The following PCDHA6 variants were observed in gnomAD, a reference collection of about 807,000 sequenced individuals.
PCDHA6 encodes the protein protocadherin alpha 6.
Under a neutral mutation model 60.3 loss-of-function variants are expected in PCDHA6, and 55 were observed. That is an observed-to-expected ratio of 0.91 (90% CI 0.73 to 1.14). PCDHA6 has a LOEUF of 1.14. PCDHA6 is among the 50% of genes most tolerant of loss of function. The probability of loss-of-function intolerance (pLI) is 0.00; values close to 1 mark genes in which losing one functional copy is unlikely to be tolerated. For missense variants in PCDHA6, 1,327 were observed against 1,256.5 expected (o/e 1.06, Z -0.85); for synonymous variants, 652 against 557.9 (o/e 1.17, Z -2.38).
intron 1 of PCDHA6, among the ~76,000 whole-genome samples, chr5:140,845,905 T>C (rs1299056120): frequency 6.7e-6 from 1 of 149,748 alleles, no homozygotes; most frequent in Non-Finnish European, 1.5e-5. Context: ...TGGCCTTCCA[T>C]ATTAATCTTA....
intron 1 of PCDHA6, chr5:140,869,814 C>A: frequency 2.5e-6 from 4 of 1,612,258 alleles, no homozygotes; most frequent in Non-Finnish European, 3.4e-6. Flanking sequence ...ATGTCAACGA[C>A]AATGATCCAG....
intron 1 of PCDHA6, among the ~76,000 whole-genome samples, chr5:140,935,422 A>G (rs2090365671): frequency 6.6e-6 from 1 of 152,228 alleles, no homozygotes; most frequent in South Asian, 2.1e-4. Context: ...TTAGAAAACA[A>G]TTTCAGCACT....
chr5:140,892,477 A>G (rs2063535340), intron 1 of PCDHA6, among the ~76,000 whole-genome samples: 1 of 152,220 alleles, frequency 6.6e-6, no homozygotes, highest in South Asian at 2.1e-4. Context: ...TCAGTTTCCT[A>G]GCCAAACATG....
intron 1 of PCDHA6, chr5:140,841,522 G>A (rs2150317350): frequency 6.2e-7 from 1 of 1,613,598 alleles, no homozygotes; most frequent in South Asian, 1.1e-5. Flanking sequence ...TCCGGGTGGC[G>A]TCCAAAAGAC....
chr5:140,830,424 C>G lies in PCDHA6; in HGVS notation c.2333C>G (p.Pro778Arg). ...ATGGCCTTTAGCCCCAGCCTTTCAC[C>G]TTGTCCTATTATGATGGGTAAGGCG... ...DLMAFSPSLSPCPIMMGKAEN... is the reference protein window; with the variant it reads ...DLMAFSPSLSRCPIMMGKAEN... Residue 778 changes from proline (P) to arginine (R), a missense_variant, in exon 1 of 4, where the codon CCT becomes CGT. Transcript: ENST00000529310. 6 of 1,613,930 alleles carry G rather than the reference C, an allele frequency of 3.7e-6. No homozygotes were observed. The highest frequency in any genetic ancestry group is 5.1e-6 in the Non-Finnish European group (6 of 1,179,802).
At chr5:140,850,015 A>G (rs2041294167) in intron 1 of PCDHA6, 1 of 1,596,724 alleles carries the variant, frequency 6.3e-7, no homozygotes, top group Non-Finnish European at 8.6e-7. Flanking sequence ...CTGTCGAGCT[A>G]CGTGTCAGTG....
intron 1 of PCDHA6, among the ~76,000 whole-genome samples, chr5:140,963,912 A>C (rs2095797972): frequency 6.6e-6 from 1 of 152,246 alleles, no homozygotes. Flanking sequence ...AGTGAAGCTT[A>C]GGCTAAGTAA....
At chr5:140,888,958 A>G (rs1174377099) in intron 1 of PCDHA6, among the ~76,000 whole-genome samples, 1 of 152,010 alleles carries the variant, frequency 6.6e-6, no homozygotes, top group African/African-American at 2.4e-5. Flanking sequence ...TTTCTTTGGC[A>G]ATGTTAATGT....
intron 1 of PCDHA6, among the ~76,000 whole-genome samples, chr5:140,938,233 A>AC (rs1329361250): frequency 6.6e-6 from 1 of 152,210 alleles, no homozygotes; most frequent in African/African-American, 2.4e-5. Context: ...GGCATAGGCC[A>AC]CCATGCCTGG....
At chr5:140,942,731 T>C (rs1404765148) in intron 1 of PCDHA6, among the ~76,000 whole-genome samples, 4 of 152,052 alleles carry the variant, frequency 2.6e-5, no homozygotes, top group Non-Finnish European at 5.9e-5. Flanking sequence ...TGTTGAAAAA[T>C]ATTTTAAAAT....
chr5:140,863,330 T>A, intron 1 of PCDHA6: 1 of 1,412,828 alleles, frequency 7.1e-7, no homozygotes, highest in Admixed American at 1.8e-5. Flanking sequence ...CTGTTAGTGC[T>A]CACGTTGCTG....
At chr5:140,882,633 A>G in intron 1 of PCDHA6, 1 of 1,614,220 alleles carries the variant, frequency 6.2e-7, no homozygotes, top group Non-Finnish European at 8.5e-7. Context: ...GTGGAGGTGA[A>G]GGTGAGGGAC....
chr5:140,834,333 T>G (rs2150215417), intron 1 of PCDHA6: 2 of 1,490,244 alleles, frequency 1.3e-6, no homozygotes, highest in Non-Finnish European at 9.1e-7. Context: ...AACATTCCTA[T>G]AAATTCGAAG....
At position 140,830,299 on chromosome 5, in the gene PCDHA6, G is replaced by A. The variant is rs2150184675; in HGVS notation, c.2208G>A (p.Lys736=). 6.2e-7 allele frequency: 1 copy of A among 1,613,920 alleles called. No individual in the cohort carries two copies. Among genetic ancestry groups the A allele is most frequent in the South Asian group, 1.1e-5 (1 of 91,060 alleles). Residue 736 remains lysine, a synonymous_variant, in exon 1 of 4, where the codon AAG becomes AAA. Coordinates refer to ENST00000529310, the MANE Select transcript of PCDHA6 (RefSeq NM_018909.4). ...CCGAGGGCGCGTGCACGGCGGACAA[G>A]CCCACGCTGGTGTGCTCCAGCGCAG... The part of the protein sequence containing the change: ...PPTEGACTAD[K]PTLVCSSAVG...
intron 1 of PCDHA6, chr5:140,856,598 A>C: frequency 6.3e-7 from 1 of 1,597,872 alleles, no homozygotes; most frequent in East Asian, 2.2e-5. Context: ...TATTATAAAC[A>C]AAAAAGACAA....
In PCDHA6 at chr5:140,876,964, C is replaced by T. The variant is rs781890307; in HGVS notation, c.2394+46479C>T. ...GGTGTCCTACTCGCTGGTGGAGCGG[C>T]GGGTGGGCGAGCACGCACTGTCGAG... On this transcript the variant is annotated intron_variant, in intron 1 of 3. Coordinates refer to ENST00000529310, the MANE Select transcript of PCDHA6 (RefSeq NM_018909.4). 2.5e-6 allele frequency: 4 copies of T among 1,613,060 alleles called. No individual in the cohort carries two copies. The highest frequency in any genetic ancestry group is 3.4e-6 in the Non-Finnish European group (4 of 1,179,806).
chr5:140,965,242 A>T (rs1373643411), intron 1 of PCDHA6, among the ~76,000 whole-genome samples: 2 of 152,196 alleles, frequency 1.3e-5, no homozygotes, highest in African/African-American at 4.8e-5. Context: ...GGGAAGAGTG[A>T]ATATTCAGAA....
intron 1 of PCDHA6, chr5:140,843,149 G>A: frequency 6.3e-7 from 1 of 1,596,096 alleles, no homozygotes; most frequent in Non-Finnish European, 8.6e-7. Context: ...GCTTTCGTAT[G>A]AGCTGCAGCC....
intron 1 of PCDHA6, chr5:140,883,223 T>C: frequency 6.2e-7 from 1 of 1,613,922 alleles, no homozygotes; most frequent in Non-Finnish European, 8.5e-7. Flanking sequence ...ATATGAAATA[T>C]CCGTGGAGGC....
Sources: gnomAD v4.1 joint callset for allele counts (sites outside exome capture counted in the v4.1 genomes callset) on GRCh38, gnomAD v4.1.1 for gene constraint, MANE v1.5 for transcripts, NCBI Gene and HGNC (gene_info 2026-07-23, HGNC 2026-07-21) for gene names.